The following RASSF8 variants were observed in gnomAD, a reference collection of about 807,000 sequenced individuals.
RASSF8 encodes the protein Ras association domain family member 8.
RASSF8 carries 22 observed loss-of-function variants against 48.5 expected under a neutral mutation model. The observed-to-expected ratio is 0.45, with a 90% CI of 0.32 to 0.65. RASSF8 has a LOEUF of 0.65. Ranked by LOEUF, RASSF8 falls within the 30% of genes least tolerant of loss-of-function variation. The pLI is 0.03. For missense variants in RASSF8, 418 were observed against 489.2 expected, an observed-to-expected ratio of 0.85 and a Z score of 1.37; for synonymous variants, 127 against 171.5, an observed-to-expected ratio of 0.74 and a Z score of 2.03.
At chr12:25,982,379 G>T (rs1278290955) in intron 1 of RASSF8, among the ~76,000 whole-genome samples, 1 of 152,138 alleles carries the variant, frequency 6.6e-6, no homozygotes, top group African/African-American at 2.4e-5. Flanking sequence ...AGACATAATG[G>T]TTTTAGTTGA....
rs76304922 is a variant in RASSF8 at position 26,051,190 on chromosome 12, A to G, written c.-108-4046A>G. Among the ~76,000 whole-genome samples the G allele has an allele frequency of 7.2e-5, 11 of 152,294 alleles. No individual in the cohort carries two copies. In the East Asian group the frequency reaches 2.1e-3, roughly 29 times the overall value. Reference sequence around the variant, plus strand: ...AATGAGACTAATCATATCTAACTTGATGAATTATGTTGTGAGGAATAAATG... The same window carrying G: ...AATGAGACTAATCATATCTAACTTGGTGAATTATGTTGTGAGGAATAAATG... On this transcript the variant is annotated intron_variant, in intron 2 of 5. Transcript: ENST00000689635.
chr12:26,060,318 T>C (rs1246246990), intron 3 of RASSF8, among the ~76,000 whole-genome samples: 9 of 152,230 alleles, frequency 5.9e-5, no homozygotes, highest in African/African-American at 2.2e-4. Flanking sequence ...ATGGTTTGAA[T>C]GCACAACTGG....
At position 26,068,779 on chromosome 12, in the gene RASSF8, T is replaced by G. The variant is rs1165647460; in HGVS notation, c.1221T>G (p.Pro407=). ...GTAATCTCCGCATTCTGCAGAATCC[T>G]ATCTCATCTGGTTTTAATCCTGAAG... ...LPSNLRILQN[P]ISSGFNPEGI... The change falls in exon 6 of 6, where the codon CCT becomes CCG. Residue 407 remains proline, a synonymous_variant. Coordinates refer to ENST00000689635, the MANE Select transcript of RASSF8 (RefSeq NM_001394098.1). 1 of 1,537,124 alleles carries G rather than the reference T, an allele frequency of 6.5e-7. No homozygotes were observed. The highest frequency in any genetic ancestry group is 8.7e-7 in the Non-Finnish European group (1 of 1,146,864).
chr12:26,064,475 T>A, intron 3 of RASSF8, 23 bp from the exon 4 acceptor site: 1 of 1,501,964 alleles, frequency 6.7e-7, no homozygotes, highest in Non-Finnish European at 8.9e-7. Context: ...TTTTGACAAG[T>A]TATTCTTACC....
At chr12:26,073,747 A>C (rs867688042), downstream of RASSF8, among the ~76,000 whole-genome samples, 5,020 of 51,830 alleles carry the variant, frequency 0.097, 137 homozygotes, top group African/African-American at 0.2. Context: ...CTCTCTCTCT[A>C]TACACACACA....
intron 1 of RASSF8, among the ~76,000 whole-genome samples, chr12:25,968,603 C>G (rs1381905591): frequency 6.6e-6 from 1 of 152,208 alleles, no homozygotes; most frequent in Non-Finnish European, 1.5e-5. Context: ...CTCAGCCTCC[C>G]AAAGTGCTGG....
At chr12:25,965,878 T>G (rs1332602826) in intron 1 of RASSF8, among the ~76,000 whole-genome samples, 1 of 152,246 alleles carries the variant, frequency 6.6e-6, no homozygotes, top group African/African-American at 2.4e-5. Flanking sequence ...TTTATTCCTC[T>G]TCATTGCTGA....
intron 2 of RASSF8, among the ~76,000 whole-genome samples, chr12:26,001,130 G>A (rs560646875): frequency 4.8e-4 from 73 of 150,748 alleles, no homozygotes; most frequent in African/African-American, 1.7e-3. Flanking sequence ...GACTACAAGT[G>A]CATTTCACCA....
intron 2 of RASSF8, among the ~76,000 whole-genome samples, chr12:26,013,063 G>A (rs1942567836): frequency 6.6e-6 from 1 of 152,094 alleles, no homozygotes; most frequent in Admixed American, 6.5e-5. Flanking sequence ...ATAAAGGAGA[G>A]TATATCTCCC....
intron 1 of RASSF8, among the ~76,000 whole-genome samples, chr12:25,964,679 T>C (rs1350514072): frequency 6.6e-6 from 1 of 152,346 alleles, no homozygotes; most frequent in African/African-American, 2.4e-5. Flanking sequence ...TGGATAGATA[T>C]TGGGCAGAAA....
intron 2 of RASSF8, among the ~76,000 whole-genome samples, chr12:26,050,089 A>G (rs1447026383): frequency 7.9e-5 from 12 of 152,196 alleles, no homozygotes; most frequent in Non-Finnish European, 1.3e-4. Context: ...AGCCAAAGAC[A>G]TAATTCTTAA....
intron 2 of RASSF8, chr12:26,020,169 G>A (rs907663199): frequency 6.6e-6 from 1 of 152,174 alleles, no homozygotes; most frequent in Non-Finnish European, 1.5e-5. Flanking sequence ...CACAGAAGAT[G>A]ATGAGGCTGT....
At position 26,016,420 on chromosome 12, in the gene RASSF8, C is replaced by G. The variant is rs141118398; in HGVS notation, c.-109+21290C>G. Among the ~76,000 whole-genome samples the G allele has an allele frequency of 1.6e-3, 243 of 152,128 alleles. 1 individual carries two copies. Among genetic ancestry groups the G allele is most frequent in the African/African-American group, 5.5e-3 (228 of 41,510 alleles). On this transcript the variant is annotated intron_variant, in intron 2 of 5. Coordinates refer to ENST00000689635, the MANE Select transcript of RASSF8 (RefSeq NM_001394098.1). ...TAATCTTTAACTGTAGCCCTCATGT[C>G]CAGATGTTTTCTTGCCGTGTTACCT...
At position 26,070,189 on chromosome 12, in the gene RASSF8, A is replaced by G. The variant is rs1030549492; in HGVS notation, c.*1371A>G. ...CTGAAGAAGTTACATCCTCTGTATT[A>G]TTTACATGCAACAAAATAAAAGTGG... On this transcript the variant is annotated 3_prime_UTR_variant, in exon 6 of 6. Transcript: ENST00000689635. 2 of 961,462 alleles carry G rather than the reference A, an allele frequency of 2.1e-6. No homozygotes were observed. Among genetic ancestry groups the G allele is most frequent in the Non-Finnish European group, 2.5e-6 (2 of 808,322 alleles). 59.6% of individuals were successfully genotyped at this position (961,462 alleles called of 1,614,324 possible).
chr12:26,077,914 C>T (rs2137550), intron 5 of RASSF8, among the ~76,000 whole-genome samples: 1 of 152,086 alleles, frequency 6.6e-6, no homozygotes, highest in South Asian at 2.1e-4. Flanking sequence ...ATACTTATCT[C>T]TAAAACCTCT....
At chr12:26,005,598 A>G (rs1227415198) in intron 2 of RASSF8, among the ~76,000 whole-genome samples, 1 of 152,186 alleles carries the variant, frequency 6.6e-6, no homozygotes, top group South Asian at 2.1e-4. Flanking sequence ...TGCAAAGGCT[A>G]TTTCTTTTAT....
chr12:25,960,557 A>T (rs1384589431), intron 1 of RASSF8, among the ~76,000 whole-genome samples: 1 of 152,224 alleles, frequency 6.6e-6, no homozygotes, highest in Admixed American at 6.5e-5. Flanking sequence ...ACCATCCCCC[A>T]CTTGAAGAAG....
intron 2 of RASSF8, among the ~76,000 whole-genome samples, chr12:26,001,178 A>G (rs1942248978): frequency 6.9e-6 from 1 of 145,724 alleles, no homozygotes; most frequent in African/African-American, 2.5e-5. Context: ...AGTGCATTCC[A>G]TCATACCCGG....
intron 2 of RASSF8, among the ~76,000 whole-genome samples, chr12:26,010,071 G>T (rs1270328587): frequency 6.6e-5 from 10 of 152,232 alleles, no homozygotes; most frequent in Admixed American, 6.5e-4. Flanking sequence ...TGCCCCTGCA[G>T]TAGTACTGGT....
Sources: gnomAD v4.1 joint callset for allele counts (sites outside exome capture counted in the v4.1 genomes callset) on GRCh38, gnomAD v4.1.1 for gene constraint, MANE v1.5 for transcripts, NCBI Gene and HGNC (gene_info 2026-07-23, HGNC 2026-07-21) for gene names.